Variants in ZFP92 observed in about 807,000 individuals in gnomAD.
ZFP92 encodes the protein ZFP92 zinc finger protein.
ZFP92 carries 2 observed loss-of-function variants against 7.6 expected under a neutral mutation model. That is an observed-to-expected ratio of 0.26 (90% confidence interval 0.11 to 0.83). The LOEUF (loss-of-function observed/expected upper bound fraction) is 0.83. ZFP92 is among the 40% of genes least tolerant of loss of function. The pLI is 0.65. For missense variants in ZFP92, 324 were observed against 408.3 expected, an observed-to-expected ratio of 0.79 and a Z score of 1.78; for synonymous variants, 226 against 183.6, an observed-to-expected ratio of 1.23 and a Z score of -1.87.
chrX:153,417,551 G>A (rs2124294185), intron 2 of ZFP92, among the ~76,000 whole-genome samples: 1 of 112,330 alleles, frequency 8.9e-6, no homozygotes, highest in African/African-American at 3.2e-5. Flanking sequence ...TGGCAGTGGA[G>A]CTTCCAGGAA....
rs1234248772 is a variant in ZFP92 at position 153,426,118 on chromosome X, C to G, written c.*4490C>G. 1 of 110,959 alleles carries G rather than the reference C, an allele frequency of 9.0e-6. No homozygotes were observed. The highest frequency in any genetic ancestry group is 3.3e-5 in the African/African-American group (1 of 30,511). The allele number at this position is 110,959 out of a possible 1,213,427, so 9.1% of individuals were successfully genotyped here. ...CATGAAACCTCCCCCATAATCAAGA[C>G]AGTGAATTGATCCGCCACTCCCAAA... On this transcript the variant is annotated 3_prime_UTR_variant, in exon 6 of 6. Coordinates refer to ENST00000338647, the MANE Select transcript of ZFP92 (RefSeq NM_001136273.2).
At chrX:153,413,251 G>A (rs1183302614) in intron 2 of ZFP92, among the ~76,000 whole-genome samples, 11 of 106,042 alleles carry the variant, frequency 1.0e-4, no homozygotes, top group Non-Finnish European at 1.7e-4. Context: ...TGTTTGTGTG[G>A]GTTCTTTTTT....
rs2089026479 is a variant in ZFP92 at position 153,424,067 on chromosome X, G to C, written c.*2439G>C. 1 of 112,925 alleles carries C rather than the reference G, an allele frequency of 8.9e-6. No individual in the cohort carries two copies. Among genetic ancestry groups the C allele is most frequent in the Non-Finnish European group, 1.9e-5 (1 of 53,390 alleles). The allele number at this position is 112,925 out of a possible 1,213,427, so 9.3% of individuals were successfully genotyped here. A position where few individuals can be genotyped will look rare whatever the true frequency, so the allele number is the denominator to read the frequency against. On this transcript the variant is annotated 3_prime_UTR_variant, in exon 6 of 6. Coordinates refer to ENST00000338647, the MANE Select transcript of ZFP92 (RefSeq NM_001136273.2). ...TCCTTAGTATCTTGTCATGCCATTG[G>C]TTCTGATGCATAAGTGAACCCTGTT... is the stretch of plus-strand genomic sequence containing the variant.
intron 2 of ZFP92, among the ~76,000 whole-genome samples, chrX:153,417,946 G>A (rs1556974089): frequency 8.9e-6 from 1 of 111,974 alleles, no homozygotes; most frequent in Non-Finnish European, 1.9e-5. Flanking sequence ...GCCACACGAA[G>A]ACAGAGGCCA....
chrX:153,418,400 C>G (rs1447834416), intron 3 of ZFP92, 45 bp downstream of exon 3: 5 of 1,155,177 alleles, frequency 4.3e-6, no homozygotes, highest in Admixed American at 5.2e-5. Flanking sequence ...TGGCAGCCCC[C>G]GTCTGCTGCC....
intron 2 of ZFP92, among the ~76,000 whole-genome samples, chrX:153,412,239 A>C (rs2088914517): frequency 8.9e-6 from 1 of 112,450 alleles, no homozygotes; most frequent in Non-Finnish European, 1.9e-5. Context: ...TAGCCAAGCC[A>C]AGGAGGAAGC....
intron 2 of ZFP92, among the ~76,000 whole-genome samples, 186 bp from the exon 3 acceptor site, chrX:153,418,119 G>A (rs781911778): frequency 1.2e-4 from 13 of 112,076 alleles, no homozygotes; most frequent in East Asian, 2.8e-4. Flanking sequence ...TATTATGGCC[G>A]CCCCAGGAAG....
intron 2 of ZFP92, 27 bp from the exon 3 acceptor site, chrX:153,418,278 A>G (rs1556974189): frequency 8.6e-7 from 1 of 1,166,607 alleles, no homozygotes; most frequent in Admixed American, 2.6e-5. Flanking sequence ...CCCTGGGCTC[A>G]CAGGGGGCTC....
chrX:153,418,131 C>T (rs2088968678), intron 2 of ZFP92, among the ~76,000 whole-genome samples, 174 bp from the exon 3 acceptor site: 1 of 112,174 alleles, frequency 8.9e-6, no homozygotes, highest in Non-Finnish European at 1.9e-5. Flanking sequence ...CCCAGGAAGC[C>T]ATACAGAAGG....
In ZFP92 at chrX:153,420,948, C is replaced by A; in HGVS notation, c.571C>A (p.Arg191Ser). 8.4e-7 allele frequency: 1 copy of A among 1,192,835 alleles called. No individual in the cohort carries two copies. The highest frequency in any genetic ancestry group is 1.8e-5 in the South Asian group (1 of 54,843). Residue 191 changes from arginine (R) to serine (S), a missense_variant, in exon 6 of 6, where the codon CGC (arginine) becomes AGC (serine). Coordinates refer to ENST00000338647, the MANE Select transcript of ZFP92 (RefSeq NM_001136273.2). Reference sequence around the variant, plus strand: ...CCCCGAGTGCGGCAAGCTGTTTCGCCGCAGCTTCGCGCTCCTGGAGCACCA... The same window carrying A: ...CCCCGAGTGCGGCAAGCTGTTTCGCAGCAGCTTCGCGCTCCTGGAGCACCA... ...ACPECGKLFR[R>S]SFALLEHQRI...
chrX:153,424,576 T>TG lies in ZFP92; in HGVS notation c.*2952dup, dbSNP rs1173215166. ...AGCTAGAATGTAAAAGCTTAAACTA[T>TG]GGGGAAAGTCTTGCCTGTTTTCCAA... On this transcript the variant is annotated 3_prime_UTR_variant, in exon 6 of 6. Coordinates refer to ENST00000338647, the MANE Select transcript of ZFP92 (RefSeq NM_001136273.2). 4 of 112,228 alleles carry TG rather than the reference T, an allele frequency of 3.6e-5. No homozygotes were observed. The East Asian group carries it at 1.1e-3, about 31-fold the overall frequency. 9.2% of individuals were successfully genotyped at this position (112,228 alleles called of 1,213,427 possible).
At chrX:153,416,707 C>G (rs181503471) in intron 2 of ZFP92, among the ~76,000 whole-genome samples, 121 of 112,036 alleles carry the variant, frequency 1.1e-3, no homozygotes, top group Non-Finnish European at 1.7e-3. Context: ...CCCCCCTGTC[C>G]TAGTCCTCCT....
rs988387289 is a variant in ZFP92, at chrX:153,423,869, T to C, written c.*2241T>C. 4 of 113,533 alleles carry C rather than the reference T, an allele frequency of 3.5e-5. No individual in the cohort carries two copies. Among genetic ancestry groups the C allele is most frequent in the African/African-American group, 9.6e-5 (3 of 31,301 alleles). The allele number at this position is 113,533 out of a possible 1,213,427, so 9.4% of individuals were successfully genotyped here. A position where few individuals can be genotyped will look rare whatever the true frequency, so the allele number is the denominator to read the frequency against. On this transcript the variant is annotated 3_prime_UTR_variant, in exon 6 of 6. Coordinates refer to ENST00000338647, the MANE Select transcript of ZFP92 (RefSeq NM_001136273.2). The stretch of plus-strand genomic sequence containing the variant: ...CCAGAAATGCAATCCTCGTGCAGAG[T>C]AGGTGCCTGTGGCAGGAGGCCATGC...
In ZFP92 at chrX:153,421,231, C is replaced by T. The variant is rs1602898847; in HGVS notation, c.854C>T (p.Thr285Met). The T allele has an allele frequency of 2.6e-6, 3 of 1,175,403 alleles. No individual in the cohort carries two copies. The highest frequency in any genetic ancestry group is 3.4e-6 in the Non-Finnish European group (3 of 878,312). Reference protein sequence around the residue: ...RSSNLIEHQRTHRGEKPYACG... With the variant: ...RSSNLIEHQRMHRGEKPYACG... ...TCCAACCTCATCGAGCACCAGCGCA[C>T]GCACCGCGGCGAGAAGCCCTACGCC... The change falls in exon 6 of 6, where the codon ACG (threonine) becomes ATG (methionine). Residue 285 changes from threonine (T) to methionine (M), a missense_variant. Transcript: ENST00000338647.
chrX:153,420,439 G>T (rs1602897075), intron 5 of ZFP92, 107 bp downstream of exon 5: 5 of 890,505 alleles, frequency 5.6e-6, no homozygotes. Flanking sequence ...AATCCTCTTT[G>T]GAGGCAGATG....
intron 5 of ZFP92, 135 bp from the exon 6 acceptor site, chrX:153,420,508 T>G: frequency 1.0e-6 from 1 of 974,983 alleles, no homozygotes; most frequent in Non-Finnish European, 1.4e-6. Context: ...CGCCCCTTCA[T>G]CTCTCCTGTC....
intron 2 of ZFP92, among the ~76,000 whole-genome samples, chrX:153,417,374 G>A (rs940144278): frequency 4.5e-5 from 5 of 112,277 alleles, no homozygotes; most frequent in Non-Finnish European, 9.4e-5. Context: ...GCCACTTGCA[G>A]CCTCCAGCTC....
rs1347741860 is a variant in ZFP92, at chrX:153,411,907, G to A, written c.-67-58G>A. 2.7e-5 allele frequency among the ~76,000 whole-genome samples: 3 copies of A among 112,739 alleles called. No individual in the cohort carries two copies. In the Admixed American group the frequency reaches 2.8e-4, roughly 10 times the overall value. ...GGCGCCAGGGGAAGAGCCATCCAGGGCTGGGCGCTGGGAGCTGCGGCCCGT... is the reference window on the plus strand; with the variant it reads ...GGCGCCAGGGGAAGAGCCATCCAGGACTGGGCGCTGGGAGCTGCGGCCCGT... On this transcript the variant is annotated intron_variant, in intron 1 of 5. Coordinates refer to ENST00000338647, the MANE Select transcript of ZFP92 (RefSeq NM_001136273.2).
At chrX:153,419,283 C>T (rs938837067) in intron 4 of ZFP92, among the ~76,000 whole-genome samples, 7 of 112,284 alleles carry the variant, frequency 6.2e-5, no homozygotes, top group African/African-American at 1.6e-4. Flanking sequence ...TGAGAAGTCC[C>T]GGGAGGAGCT....
Sources: gnomAD v4.1 joint callset for allele counts (sites outside exome capture counted in the v4.1 genomes callset) on GRCh38, gnomAD v4.1.1 for gene constraint, MANE v1.5 for transcripts, NCBI Gene and HGNC (gene_info 2026-07-23, HGNC 2026-07-21) for gene names.